INTS2: variants seen among roughly 807,000 people sequenced by gnomAD.
INTS2 encodes the protein integrator complex subunit 2.
A neutral mutation model predicts 139.6 loss-of-function variants in INTS2; 57 were observed. The ratio of observed to expected loss-of-function variants is 0.41; its 90% CI spans 0.33 to 0.51. INTS2 has a LOEUF of 0.51. Among genes scored for constraint, INTS2 ranks in the 20% least tolerant of loss-of-function variants. INTS2 has a pLI of 0.28. For missense variants in INTS2, 1,196 were observed against 1,436.7 expected (o/e 0.83, Z 2.71); for synonymous variants, 473 against 493.4 (o/e 0.96, Z 0.55).
chr17:61,901,556 T>C (rs1458585618), intron 9 of INTS2, among the ~76,000 whole-genome samples: 1 of 125,432 alleles, frequency 8.0e-6, no homozygotes, highest in African/African-American at 3.1e-5. Context: ...TAAAGACAAA[T>C]CCTAAAAGGC....
At chr17:61,887,574 ACGTAAATTCTCT>A (rs1174031319) in intron 15 of INTS2, among the ~76,000 whole-genome samples, 1 of 152,124 alleles carries the variant, frequency 6.6e-6, no homozygotes, top group African/African-American at 2.4e-5. Flanking sequence ...TACTGCAAAG[ACGTAAATTCTCT>A]CCAAATTAAT....
chr17:61,927,644 C>A lies in INTS2; in HGVS notation c.-19+10G>T. 7.4e-7 allele frequency: 1 copy of A among 1,357,202 alleles called. No homozygotes were observed. Among genetic ancestry groups the A allele is most frequent in the Non-Finnish European group, 9.5e-7 (1 of 1,053,236 alleles). 84.1% of individuals were successfully genotyped at this position (1,357,202 alleles called of 1,614,324 possible). A position where few individuals can be genotyped will look rare whatever the true frequency, so the allele number is the denominator to read the frequency against. On this transcript the variant is annotated intron_variant, in intron 1 of 24. Coordinates refer to ENST00000251334, the MANE Select transcript of INTS2 (RefSeq NM_001351695.2). ...AACGCGCTGAGGCCAGAGAAGCGGA[C>A]GCTTCATACCTTAAGATCTACCCTC...
chr17:61,905,854 C>T (rs946617172), intron 8 of INTS2, among the ~76,000 whole-genome samples: 1 of 152,104 alleles, frequency 6.6e-6, no homozygotes, highest in African/African-American at 2.4e-5. Context: ...TGTGCCACCA[C>T]ACCCAGCTAA....
chr17:61,909,811 G>A lies in INTS2; in HGVS notation c.954+1709C>T, dbSNP rs199510025. ...TGTGTATACATATATACGTGTGTGT[G>A]TACATGTGTGTATGTGTGTGTGTGT... is the stretch of plus-strand genomic sequence containing the variant. On this transcript the variant is annotated intron_variant, in intron 7 of 24. Coordinates refer to ENST00000251334, the MANE Select transcript of INTS2 (RefSeq NM_001351695.2). This position sits in a 1 kb window ranked among gnomAD's most constrained non-coding sequence, Gnocchi z 4.9. Among the ~76,000 whole-genome samples, 24,904 of 135,796 alleles carry A rather than the reference G, an allele frequency of 0.18. 2,516 individuals are homozygous for A. The highest frequency in any genetic ancestry group is 0.55 in the East Asian group (2,749 of 4,976). The allele number at this position is 135,796 out of a possible 152,430, so 89.1% of individuals were successfully genotyped here. A position where few individuals can be genotyped will look rare whatever the true frequency, so the allele number is the denominator to read the frequency against.
intron 5 of INTS2, among the ~76,000 whole-genome samples, chr17:61,914,702 C>CAAAAAAAAA (rs58141533): frequency 6.1e-5 from 3 of 49,368 alleles, no homozygotes; most frequent in African/African-American, 1.4e-4. Context: ...GACTCCGTCT[C>CAAAAAAAAA]AAAAAAAAAA....
intron 15 of INTS2, among the ~76,000 whole-genome samples, chr17:61,888,976 GAT>G (rs1348408763): frequency 6.6e-6 from 1 of 151,126 alleles, no homozygotes; most frequent in Admixed American, 6.6e-5. Flanking sequence ...AGTGAGCCAA[GAT>G]CATGCCACTG....
At chr17:61,888,897 C>A (rs532542315) in intron 15 of INTS2, among the ~76,000 whole-genome samples, 2 of 151,974 alleles carry the variant, frequency 1.3e-5, no homozygotes, top group Admixed American at 1.3e-4. Context: ...TCGTAGCAGG[C>A]GCCTGTAGTC....
At chr17:61,914,425 T>C (rs961794655) in intron 5 of INTS2, among the ~76,000 whole-genome samples, 3 of 151,830 alleles carry the variant, frequency 2.0e-5, no homozygotes, top group Admixed American at 6.6e-5. Flanking sequence ...GCGCGCCAGG[T>C]GCAGTGGCTC....
chr17:61,917,361 T>C (rs1276839979), intron 5 of INTS2, among the ~76,000 whole-genome samples: 10 of 152,100 alleles, frequency 6.6e-5, no homozygotes, highest in Non-Finnish European at 1.0e-4. Context: ...CTATTCACAA[T>C]AGCAAAGACA....
At chr17:61,914,545 A>G (rs1289543707) in intron 5 of INTS2, among the ~76,000 whole-genome samples, 1 of 151,912 alleles carries the variant, frequency 6.6e-6, no homozygotes, top group African/African-American at 2.4e-5. Flanking sequence ...TAAAAATACA[A>G]AAAAATTAGC....
intron 17 of INTS2, among the ~76,000 whole-genome samples, chr17:61,880,201 G>A (rs952456657): frequency 2.6e-5 from 4 of 151,894 alleles, no homozygotes; most frequent in Non-Finnish European, 5.9e-5. Flanking sequence ...CCACGACCAC[G>A]CCCGGCTAAT....
Position 61,924,999 on chromosome 17 carries a change from G to A in INTS2, c.394C>T (p.Arg132Cys), listed in dbSNP as rs776195016. Residue 132 changes from arginine to cysteine, a missense_variant, in exon 3 of 25, where the codon CGT becomes TGT. Arg to Cys is a radical substitution (Grantham distance 180, BLOSUM62 -3). Transcript: ENST00000251334. ...FEHSDSPRRL[R>C]LVLSELLAIM... is the part of the protein sequence containing the mutation. ...GCCAACAGTTCACTAAGCACAAGAC[G>A]CAATCGACGAGGTGAATCACTGTGT... The A allele has an allele frequency of 5.0e-6, 8 of 1,612,976 alleles. No individual in the cohort carries two copies. The highest frequency in any genetic ancestry group is 6.8e-6 in the Non-Finnish European group (8 of 1,179,504).
Position 61,865,878 on chromosome 17 carries a change from C to T in INTS2, c.*1679G>A, listed in dbSNP as rs2079041097. On this transcript the variant is annotated 3_prime_UTR_variant, in exon 25 of 25. Transcript: ENST00000251334. The surrounding 1 kb of genome is among the most constrained non-coding windows in gnomAD (Gnocchi z 4.8). ...TAATAAAAAGTTATAAATATTCTAT[C>T]ACATGTGATACTATGCACTTCATGA... is the stretch of plus-strand genomic sequence containing the variant. The T allele has an allele frequency of 3.3e-5, 5 of 152,342 alleles. No individual in the cohort carries two copies. 9.4% of individuals were successfully genotyped at this position (152,342 alleles called of 1,614,324 possible).
At position 61,925,066 on chromosome 17, in the gene INTS2, G is replaced by C; in HGVS notation, c.327C>G (p.Ile109Met). 6.2e-7 allele frequency: 1 copy of C among 1,613,708 alleles called. No individual in the cohort carries two copies. ...GTCCATGCTGAAGCTGTGATACCAG[G>C]ATGCTCTCTCCACTGCCTCCTCCAA... Reference protein sequence around the residue: ...HKLGGGSGESILVSQLQHGLT... With the variant: ...HKLGGGSGESMLVSQLQHGLT... Residue 109 changes from isoleucine to methionine, a missense_variant, in exon 3 of 25, where the codon ATC becomes ATG. Ile to Met is a conservative substitution (Grantham distance 10). Around this residue, in one of 3 missense-constraint regions of INTS2, gnomAD observed 1,129 missense variants for 1,341.9 expected, o/e 0.84. Coordinates refer to ENST00000251334, the MANE Select transcript of INTS2 (RefSeq NM_001351695.2).
At position 61,868,006 on chromosome 17, in the gene INTS2, A is replaced by G. The variant is rs921196407; in HGVS notation, c.3248T>C (p.Leu1083Ser). 7 of 1,573,024 alleles carry G rather than the reference A, an allele frequency of 4.5e-6. No individual in the cohort carries two copies. Among genetic ancestry groups the G allele is most frequent in the Non-Finnish European group, 4.3e-6 (5 of 1,166,828 alleles). ...AAAAGCATACCGCTTAGCCTGTGTTAAAACTGTTGGAAAAAAATGAAACAA... is the reference window on the plus strand; with the variant it reads ...AAAAGCATACCGCTTAGCCTGTGTTGAAACTGTTGGAAAAAAATGAAACAA... Reference protein sequence around the residue: ...VNVMGTLLTVLTQAKRYAFFM... With the variant: ...VNVMGTLLTVSTQAKRYAFFM... The change falls in exon 24 of 25, where the codon TTA (leucine) becomes TCA (serine). Residue 1083 changes from leucine to serine, a missense_variant. Physicochemically the swap from Leu to Ser is moderately radical, Grantham distance 145 (BLOSUM62 -2). Around this residue, in one of 3 missense-constraint regions of INTS2, gnomAD observed 1,129 missense variants for 1,341.9 expected, o/e 0.84. Coordinates refer to ENST00000251334, the MANE Select transcript of INTS2 (RefSeq NM_001351695.2). The surrounding 1 kb of genome is among the most constrained non-coding windows in gnomAD (Gnocchi z 4.7).
At chr17:61,903,192 A>G (rs1240134055) in intron 9 of INTS2, among the ~76,000 whole-genome samples, 1 of 149,776 alleles carries the variant, frequency 6.7e-6, no homozygotes, top group Non-Finnish European at 1.5e-5. Flanking sequence ...AAAAAAAAAA[A>G]AGAAAGAAAG....
In INTS2 at chr17:61,893,682, A is replaced by G; in HGVS notation, c.1698+83T>C. 1 of 1,056,572 alleles carries G rather than the reference A, an allele frequency of 9.5e-7. No homozygotes were observed. The allele number at this position is 1,056,572 out of a possible 1,614,324, so 65.4% of individuals were successfully genotyped here. A position where few individuals can be genotyped will look rare whatever the true frequency, so the allele number is the denominator to read the frequency against. ...TGCACTCCAACCTGGGTGACTGAGCAAGACTCCATCTCAAAAGAAAAAAAA... is the reference window on the plus strand; with the variant it reads ...TGCACTCCAACCTGGGTGACTGAGCGAGACTCCATCTCAAAAGAAAAAAAA... On this transcript the variant is annotated intron_variant, in intron 13 of 24. Transcript: ENST00000251334. The surrounding 1 kb of genome is among the most constrained non-coding windows in gnomAD (Gnocchi z 5.4).
intron 2 of INTS2, among the ~76,000 whole-genome samples, chr17:61,925,603 A>C (rs1410050057): frequency 2.0e-5 from 3 of 151,944 alleles, no homozygotes; most frequent in Admixed American, 2.0e-4. Flanking sequence ...AAAATAAATA[A>C]ATAAATACTC....
At chr17:61,885,032 A>C (rs2079213527) in intron 15 of INTS2, 27 bp from the exon 16 acceptor site, 2 of 1,422,922 alleles carry the variant, frequency 1.4e-6, no homozygotes, top group East Asian at 4.8e-5. Flanking sequence ...GTGTAAAATA[A>C]ATAAAATGTC....
Sources: allele counts gnomAD v4.1 joint callset (sites outside exome capture counted in the v4.1 genomes callset), GRCh38; gene constraint gnomAD v4.1.1; regional missense constraint gnomAD v4.1.1; non-coding constraint Gnocchi (gnomAD v3.1); transcripts MANE v1.5; gene names NCBI Gene and HGNC (gene_info 2026-07-23, HGNC 2026-07-21).